Variants in SLC8A1 observed in about 807,000 individuals in gnomAD.
The protein encoded by SLC8A1 is solute carrier family 8 member A1.
In SLC8A1, 18 loss-of-function variants were observed where a neutral mutation model predicts 68.3. That is an observed-to-expected ratio of 0.26 (90% CI 0.18 to 0.39). SLC8A1 has a LOEUF of 0.39. Ranked by LOEUF, SLC8A1 falls within the 10% of genes least tolerant of loss-of-function variation. The probability of loss-of-function intolerance (pLI) is 1.00; values close to 1 mark genes in which losing one functional copy is unlikely to be tolerated. For missense variants in SLC8A1, 985 were observed against 1,156.7 expected (o/e 0.85, Z 2.15); for synonymous variants, 475 against 415.5 (o/e 1.14, Z -1.74).
chr2:40,292,424 C>G (rs1288928423), intron 2 of SLC8A1, among the ~76,000 whole-genome samples: 1 of 152,148 alleles, frequency 6.6e-6, no homozygotes, highest in African/African-American at 2.4e-5. Flanking sequence ...TGGGCTTTGT[C>G]TCCAGTGTCT....
chr2:40,377,132 AG>A (rs201340278), intron 2 of SLC8A1, among the ~76,000 whole-genome samples: 9,722 of 152,136 alleles, frequency 0.064, 982 homozygotes, highest in African/African-American at 0.21. Flanking sequence ...TACTCAAGGA[AG>A]AGTTTATCCC....
intron 2 of SLC8A1, 128 bp downstream of exon 3, chr2:40,178,259 G>C (rs996040483): frequency 8.0e-6 from 6 of 752,896 alleles, no homozygotes; most frequent in Non-Finnish European, 1.4e-5. Context: ...CTCAGCATGA[G>C]ATCTGTGCCC....
chr2:40,146,859 C>T (rs921492342), intron 6 of SLC8A1, among the ~76,000 whole-genome samples: 2 of 152,206 alleles, frequency 1.3e-5, no homozygotes, highest in Admixed American at 6.5e-5. Flanking sequence ...GTGGGCCATA[C>T]TGTCCCACGG....
At chr2:40,367,004 T>C (rs979699374) in intron 2 of SLC8A1, among the ~76,000 whole-genome samples, 1 of 152,120 alleles carries the variant, frequency 6.6e-6, no homozygotes, top group African/African-American at 2.4e-5. Context: ...ACCTTCAGCA[T>C]CTGATTTTTA....
chr2:40,299,850 C>T (rs1024383336), intron 2 of SLC8A1, among the ~76,000 whole-genome samples: 1 of 152,152 alleles, frequency 6.6e-6, no homozygotes, highest in African/African-American at 2.4e-5. Context: ...CCCTACTAAT[C>T]GGTTTAGAGT....
chr2:40,159,478 G>T (rs1004526101), intron 6 of SLC8A1, among the ~76,000 whole-genome samples: 1 of 152,108 alleles, frequency 6.6e-6, no homozygotes, highest in Non-Finnish European at 1.5e-5. Flanking sequence ...ATATGTCAAG[G>T]CCCATAAAAG....
intron 2 of SLC8A1, among the ~76,000 whole-genome samples, chr2:40,192,822 G>A (rs2148656826): frequency 6.6e-6 from 1 of 152,150 alleles, no homozygotes; most frequent in East Asian, 1.9e-4. Flanking sequence ...CACAAAGTTA[G>A]ACTTCCTGAG....
intron 2 of SLC8A1, among the ~76,000 whole-genome samples, chr2:40,335,364 G>A (rs997414039): frequency 6.6e-6 from 1 of 152,152 alleles, no homozygotes. Flanking sequence ...ATATATTGAT[G>A]TATTTCAAAT....
intron 2 of SLC8A1, among the ~76,000 whole-genome samples, chr2:40,344,317 A>T (rs1668587212): frequency 6.6e-6 from 1 of 152,122 alleles, no homozygotes; most frequent in Non-Finnish European, 1.5e-5. Flanking sequence ...TGATTCTTTT[A>T]AGGTGTCAAG....
At chr2:40,161,006 C>A in intron 5 of SLC8A1, 142 bp from the exon 9 acceptor site, 3 of 618,860 alleles carry the variant, frequency 4.8e-6, no homozygotes, top group Non-Finnish European at 8.6e-6. Context: ...ACATCAAACA[C>A]TGTTATGATT....
chr2:40,233,022 A>G (rs1258985291), intron 2 of SLC8A1, among the ~76,000 whole-genome samples: 1 of 151,866 alleles, frequency 6.6e-6, no homozygotes, highest in South Asian at 2.1e-4. Flanking sequence ...GGTTGGTTCC[A>G]AGTCTTTGCT....
At chr2:40,327,524 G>A (rs1328234924) in intron 2 of SLC8A1, among the ~76,000 whole-genome samples, 1 of 152,140 alleles carries the variant, frequency 6.6e-6, no homozygotes, top group East Asian at 1.9e-4. Flanking sequence ...GCTAGACTGT[G>A]AGGCACAAAT....
chr2:40,507,059 T>C (rs1443133598), intron 1 of SLC8A1, among the ~76,000 whole-genome samples: 3 of 152,006 alleles, frequency 2.0e-5, no homozygotes, highest in Non-Finnish European at 4.4e-5. Flanking sequence ...CCAAAGGTCA[T>C]ATGCTCATAA....
chr2:40,491,645 A>T (rs1471669100), intron 1 of SLC8A1, among the ~76,000 whole-genome samples: 1 of 151,984 alleles, frequency 6.6e-6, no homozygotes, highest in Non-Finnish European at 1.5e-5. Flanking sequence ...TCTTACTGAG[A>T]TACGTCCCAT....
intron 2 of SLC8A1, among the ~76,000 whole-genome samples, chr2:40,369,869 A>G (rs1328130029): frequency 1.4e-5 from 1 of 73,610 alleles, no homozygotes; most frequent in Non-Finnish European, 2.4e-5. Flanking sequence ...GTAGAAAAGA[A>G]AAAAAACCAA....
rs145407917 is a variant in SLC8A1, at chr2:40,506,003, G to A, written c.-25+6346C>T. ...CCATCGTTGAACATAACAAGCTTGC[G>A]CTCAGATTACCTTCTGCAGAATTTC... On this transcript the variant is annotated intron_variant, in intron 1 of 7. Transcript: ENST00000402441. Among the ~76,000 whole-genome samples the A allele has an allele frequency of 8.4e-3, 1,270 of 151,856 alleles. 13 individuals are homozygous for A. Among genetic ancestry groups the A allele is most frequent in the Non-Finnish European group, 0.014 (927 of 67,848 alleles).
intron 2 of SLC8A1, among the ~76,000 whole-genome samples, chr2:40,292,604 G>A (rs1466198376): frequency 6.6e-6 from 1 of 152,124 alleles, no homozygotes; most frequent in Non-Finnish European, 1.5e-5. Flanking sequence ...AAGACCTAAT[G>A]GAGAGAAGTG....
chr2:40,198,470 C>T (rs544589819), intron 2 of SLC8A1, among the ~76,000 whole-genome samples: 1 of 151,994 alleles, frequency 6.6e-6, no homozygotes, highest in African/African-American at 2.4e-5. Flanking sequence ...TAATTCATAT[C>T]ACTTCTATAA....
At chr2:40,435,035 C>T (rs917527771) in intron 1 of SLC8A1, among the ~76,000 whole-genome samples, 11 of 152,110 alleles carry the variant, frequency 7.2e-5, no homozygotes, top group African/African-American at 2.7e-4. Context: ...CCAAGGAGGA[C>T]GTGACTCAGA....
Sources: allele counts gnomAD v4.1 joint callset (sites outside exome capture counted in the v4.1 genomes callset), GRCh38; gene constraint gnomAD v4.1.1; transcripts MANE v1.5; gene names NCBI Gene and HGNC (gene_info 2026-07-23, HGNC 2026-07-21).